CAMTA1: variants seen among roughly 807,000 people sequenced by gnomAD.
CAMTA1 encodes the protein calmodulin-binding transcription activator 1.
In CAMTA1, 27 loss-of-function variants were observed where a neutral mutation model predicts 170.9. The observed-to-expected ratio is 0.16, with a 90% CI of 0.12 to 0.22. The LOEUF (loss-of-function observed/expected upper bound fraction) is 0.22, where lower values mean the gene tolerates loss of function less well. Among genes scored for constraint, CAMTA1 ranks in the 10% least tolerant of loss-of-function variants. The pLI is 1.00. For missense variants in CAMTA1, 1,619 were observed against 2,217.2 expected, an observed-to-expected ratio of 0.73 and a Z score of 5.42; for synonymous variants, 833 against 891.5, an observed-to-expected ratio of 0.93 and a Z score of 1.17.
intron 3 of CAMTA1, among the ~76,000 whole-genome samples, chr1:6,851,184 G>A (rs1341303787): frequency 1.3e-5 from 2 of 152,172 alleles, no homozygotes; most frequent in Non-Finnish European, 2.9e-5. Flanking sequence ...TATGTAGTAT[G>A]TTTACGGAGT....
Position 7,435,382 on chromosome 1 carries a change from T to C in CAMTA1, c.439-32448T>C, listed in dbSNP as rs1234937619. 6.6e-6 allele frequency among the ~76,000 whole-genome samples: 1 copy of C among 152,158 alleles called. No individual in the cohort carries two copies. The highest frequency in any genetic ancestry group is 1.5e-5 in the Non-Finnish European group (1 of 68,036). On this transcript the variant is annotated intron_variant, in intron 5 of 22. Coordinates refer to ENST00000303635, the MANE Select transcript of CAMTA1 (RefSeq NM_015215.4). The surrounding 1 kb of genome is among the most constrained non-coding windows in gnomAD (Gnocchi z 4.4). ...GCCCAGAATCCCAGAACTCCAGAAT[T>C]CCAAGTTTGGGACTCCTGTACCTCT...
At chr1:7,202,077 A>G (rs1460729158) in intron 4 of CAMTA1, among the ~76,000 whole-genome samples, 1 of 152,212 alleles carries the variant, frequency 6.6e-6, no homozygotes, top group Non-Finnish European at 1.5e-5. Context: ...GGTGTGAGAT[A>G]AGGATTCAAT....
chr1:7,196,040 C>T (rs1313855462), intron 4 of CAMTA1, among the ~76,000 whole-genome samples: 1 of 152,074 alleles, frequency 6.6e-6, no homozygotes, highest in Non-Finnish European at 1.5e-5. Context: ...ATGTGTGATA[C>T]AGTTTGGATT....
chr1:7,520,602 A>C (rs1283853440), intron 6 of CAMTA1, among the ~76,000 whole-genome samples: 2 of 151,792 alleles, frequency 1.3e-5, no homozygotes, highest in Admixed American at 6.6e-5. Flanking sequence ...CCACCTTGCT[A>C]GGGTGGCTGC....
intron 5 of CAMTA1, among the ~76,000 whole-genome samples, chr1:7,294,797 C>G (rs1204098588): frequency 2.6e-5 from 4 of 152,192 alleles, no homozygotes; most frequent in African/African-American, 4.8e-5. Context: ...CCAGCCCAGA[C>G]CAGGGTGAAG....
At chr1:7,337,727 T>C (rs2083490635) in intron 5 of CAMTA1, among the ~76,000 whole-genome samples, 1 of 152,084 alleles carries the variant, frequency 6.6e-6, no homozygotes, top group African/African-American at 2.4e-5. Flanking sequence ...CCTCATCCAA[T>C]CAGGGAAAGG....
intron 6 of CAMTA1, among the ~76,000 whole-genome samples, chr1:7,624,419 T>G (rs2095619669): frequency 6.6e-6 from 1 of 152,192 alleles, no homozygotes; most frequent in Non-Finnish European, 1.5e-5. Flanking sequence ...ATCATCCTGG[T>G]ATACCACTGC....
chr1:7,498,502 G>C (rs544401316), intron 6 of CAMTA1, among the ~76,000 whole-genome samples: 1 of 151,866 alleles, frequency 6.6e-6, no homozygotes, highest in Admixed American at 6.6e-5. Context: ...AGTGAGTGTG[G>C]GTGTGGGTGT....
intron 5 of CAMTA1, among the ~76,000 whole-genome samples, chr1:7,449,359 C>T (rs574350197): frequency 2.5e-4 from 38 of 152,312 alleles, no homozygotes; most frequent in Admixed American, 8.5e-4. Flanking sequence ...CTAAGACCAC[C>T]GGGCCAGGCA....
chr1:7,421,143 TTTTC>T (rs1170922224), intron 5 of CAMTA1, among the ~76,000 whole-genome samples: 4 of 152,102 alleles, frequency 2.6e-5, no homozygotes, highest in African/African-American at 4.8e-5. Context: ...TGAATTTCTT[TTTTC>T]TTTCTTTCTT....
At chr1:7,309,138 G>T (rs1008461082) in intron 5 of CAMTA1, among the ~76,000 whole-genome samples, 2 of 151,894 alleles carry the variant, frequency 1.3e-5, no homozygotes, top group Non-Finnish European at 2.9e-5. Flanking sequence ...CACAGCATTT[G>T]CATGGCATAT....
At chr1:6,845,552 A>G (rs963618579) in intron 3 of CAMTA1, among the ~76,000 whole-genome samples, 1 of 152,256 alleles carries the variant, frequency 6.6e-6, no homozygotes, top group Non-Finnish European at 1.5e-5. Flanking sequence ...TTTGTGAATT[A>G]TATCTCAATA....
intron 7 of CAMTA1, among the ~76,000 whole-genome samples, chr1:7,654,764 C>T (rs1457846605): frequency 5.4e-5 from 8 of 147,920 alleles, no homozygotes; most frequent in Non-Finnish European, 1.0e-4. Context: ...TACAAACACA[C>T]CCACCTAAAC....
At chr1:7,275,400 G>A (rs948267810) in intron 5 of CAMTA1, among the ~76,000 whole-genome samples, 1 of 151,476 alleles carries the variant, frequency 6.6e-6, no homozygotes, top group Non-Finnish European at 1.5e-5. Flanking sequence ...TAAGGAAAAA[G>A]GTAATATTAA....
At chr1:7,012,666 C>T (rs7543531) in intron 3 of CAMTA1, among the ~76,000 whole-genome samples, 61,522 of 151,960 alleles carry the variant, frequency 0.4, 13,592 homozygotes, top group African/African-American at 0.6. Flanking sequence ...CTGTGACGCA[C>T]TTCCTTCCCT....
rs548846812 is a variant in CAMTA1 at position 7,220,115 on chromosome 1, T to A, written c.303-29376T>A. On this transcript the variant is annotated intron_variant, in intron 4 of 22. Transcript: ENST00000303635. ...AGCTAACTCAGATGTCAGCCAACCA[T>A]ATTTTTACAGCATTCTCATACAAAG... 1.6e-4 allele frequency among the ~76,000 whole-genome samples: 25 copies of A among 152,306 alleles called. No homozygotes were observed. In the East Asian group the frequency reaches 4.8e-3, roughly 29 times the overall value.
At chr1:6,923,937 G>A (rs1682558382) in intron 3 of CAMTA1, among the ~76,000 whole-genome samples, 1 of 152,216 alleles carries the variant, frequency 6.6e-6, no homozygotes, top group Admixed American at 6.5e-5. Context: ...TCCCCAAGGT[G>A]TAGAATTCAC....
At chr1:7,025,194 G>T (rs923079458) in intron 3 of CAMTA1, among the ~76,000 whole-genome samples, 2 of 152,348 alleles carry the variant, frequency 1.3e-5, no homozygotes, top group Middle Eastern at 3.4e-3. Context: ...ATTAATCAGC[G>T]TTTGGGGGAG....
rs75731869 is a variant in CAMTA1, at chr1:7,360,811, C to T, written c.439-107019C>T. 9.5e-3 allele frequency among the ~76,000 whole-genome samples: 1,443 copies of T among 152,356 alleles called. 23 individuals are homozygous for T. The highest frequency in any genetic ancestry group is 0.032 in the African/African-American group (1,313 of 41,586). ...ACAAGAGGCCATCCCTCTCCTGCCA[C>T]GCCTGCCACTTTCTCCACGCCGGAG... On this transcript the variant is annotated intron_variant, in intron 5 of 22. Transcript: ENST00000303635.
Sources: gnomAD v4.1 joint callset for allele counts (sites outside exome capture counted in the v4.1 genomes callset) on GRCh38, gnomAD v4.1.1 for gene constraint, Gnocchi (gnomAD v3.1) non-coding constraint, MANE v1.5 for transcripts, NCBI Gene and HGNC (gene_info 2026-07-23, HGNC 2026-07-21) for gene names.